NLGN1: variants seen among roughly 807,000 people sequenced by gnomAD.
NLGN1 encodes the protein neuroligin 1, also known as neuroligin-1.
NLGN1 carries 12 observed loss-of-function variants against 65.5 expected under a neutral mutation model. That is an observed-to-expected ratio of 0.18 (90% CI 0.12 to 0.30). NLGN1 has a LOEUF of 0.30. Among genes scored for constraint, NLGN1 ranks in the 10% least tolerant of loss-of-function variants. NLGN1 has a pLI of 1.00. For missense variants in NLGN1, 750 were observed against 1,007.1 expected, an observed-to-expected ratio of 0.74 and a Z score of 3.46; for synonymous variants, 350 against 359.5, an observed-to-expected ratio of 0.97 and a Z score of 0.30.
intron 4 of NLGN1, among the ~76,000 whole-genome samples, chr3:174,129,692 A>G (rs1719762061): frequency 6.6e-6 from 1 of 152,184 alleles, no homozygotes; most frequent in South Asian, 2.1e-4. Context: ...AGGGCTGGGA[A>G]TTAAGTCCTT....
At chr3:173,479,732 A>G (rs755799597) in intron 2 of NLGN1, among the ~76,000 whole-genome samples, 1 of 152,188 alleles carries the variant, frequency 6.6e-6, no homozygotes, top group Non-Finnish European at 1.5e-5. Flanking sequence ...TGAGATGGGA[A>G]AACAAGAAAA....
intron 3 of NLGN1, among the ~76,000 whole-genome samples, chr3:173,699,140 G>A (rs767146534): frequency 2.0e-5 from 3 of 152,132 alleles, no homozygotes; most frequent in Non-Finnish European, 2.9e-5. Context: ...ACAAGCGTGA[G>A]CCACCGCACC....
intron 3 of NLGN1, among the ~76,000 whole-genome samples, chr3:173,805,452 G>A (rs1421049698): frequency 1.3e-5 from 2 of 152,130 alleles, no homozygotes; most frequent in Non-Finnish European, 2.9e-5. Context: ...AAAATAAAGA[G>A]ATACCACTCA....
intron 2 of NLGN1, among the ~76,000 whole-genome samples, chr3:173,538,363 T>C (rs1737813492): frequency 6.6e-6 from 1 of 152,180 alleles, no homozygotes; most frequent in Non-Finnish European, 1.5e-5. Flanking sequence ...GAGCATGGGC[T>C]CACTGCTGCA....
intron 2 of NLGN1, among the ~76,000 whole-genome samples, chr3:173,578,705 A>T (rs1239502883): frequency 6.6e-6 from 1 of 152,202 alleles, no homozygotes; most frequent in East Asian, 1.9e-4. Flanking sequence ...ATACAATTTA[A>T]CTCATTCTAT....
chr3:173,840,887 T>C (rs1302699606), intron 4 of NLGN1, among the ~76,000 whole-genome samples: 2 of 152,128 alleles, frequency 1.3e-5, no homozygotes, highest in Non-Finnish European at 2.9e-5. Flanking sequence ...AAATTAAATA[T>C]AAGAAATACC....
intron 4 of NLGN1, among the ~76,000 whole-genome samples, chr3:173,814,487 G>T (rs1436549129): frequency 6.6e-6 from 1 of 152,150 alleles, no homozygotes. Context: ...AAAGTTGACT[G>T]CTCATTATTT....
chr3:174,222,317 T>C (rs1738822681), intron 4 of NLGN1, among the ~76,000 whole-genome samples: 1 of 152,200 alleles, frequency 6.6e-6, no homozygotes, highest in African/African-American at 2.4e-5. Flanking sequence ...TTTTCCTGTT[T>C]ATTTTGCAAA....
chr3:173,744,723 A>G (rs1372646935), intron 3 of NLGN1, among the ~76,000 whole-genome samples: 1 of 152,120 alleles, frequency 6.6e-6, no homozygotes, highest in Non-Finnish European at 1.5e-5. Context: ...AAATTTTGCT[A>G]TGTATCACAT....
chr3:174,031,976 CT>C (rs1384413768), intron 4 of NLGN1, among the ~76,000 whole-genome samples: 1 of 151,624 alleles, frequency 6.6e-6, no homozygotes, highest in Non-Finnish European at 1.5e-5. Context: ...TATATATTTT[CT>C]TAGCATCATA....
chr3:174,210,442 A>C (rs1308257735), intron 4 of NLGN1, among the ~76,000 whole-genome samples: 1 of 152,222 alleles, frequency 6.6e-6, no homozygotes, highest in African/African-American at 2.4e-5. Flanking sequence ...AGTGTATAGT[A>C]GGCCAGATTA....
intron 3 of NLGN1, among the ~76,000 whole-genome samples, chr3:173,659,654 T>C (rs1236440437): frequency 6.6e-6 from 1 of 151,920 alleles, no homozygotes; most frequent in East Asian, 1.9e-4. Context: ...AAAACCATTG[T>C]GATGCCTTGA....
chr3:173,637,706 CA>C (rs568163418), intron 3 of NLGN1, among the ~76,000 whole-genome samples: 2 of 152,116 alleles, frequency 1.3e-5, no homozygotes, highest in Non-Finnish European at 2.9e-5. Flanking sequence ...TACTTTACAA[CA>C]TAGAATTGAG....
chr3:173,692,136 C>G, intron 3 of NLGN1, among the ~76,000 whole-genome samples: 1 of 152,148 alleles, frequency 6.6e-6, no homozygotes, highest in Non-Finnish European at 1.5e-5. Context: ...TTATAATTCT[C>G]TTTTCATTTA....
At chr3:173,767,531 C>G (rs528095077) in intron 3 of NLGN1, among the ~76,000 whole-genome samples, 1 of 151,824 alleles carries the variant, frequency 6.6e-6, no homozygotes, top group Non-Finnish European at 1.5e-5. Context: ...ACTAAATGAT[C>G]GTAATAACAG....
At chr3:174,079,460 A>T (rs1741693524) in intron 4 of NLGN1, among the ~76,000 whole-genome samples, 1 of 152,222 alleles carries the variant, frequency 6.6e-6, no homozygotes, top group Admixed American at 6.5e-5. Context: ...AATTGGTTCA[A>T]CCATTGTGAA....
Position 174,279,671 on chromosome 3 carries a change from G to T in NLGN1, c.1649+21G>T. 2 of 1,397,306 alleles carry T rather than the reference G, an allele frequency of 1.4e-6. No homozygotes were observed. Among genetic ancestry groups the T allele is most frequent in the Non-Finnish European group, 2.0e-6 (2 of 1,018,178 alleles). The allele number at this position is 1,397,306 out of a possible 1,614,324, so 86.6% of individuals were successfully genotyped here. A position where few individuals can be genotyped will look rare whatever the true frequency, so the allele number is the denominator to read the frequency against. On this transcript the variant is annotated intron_variant, in intron 6 of 6. Transcript: ENST00000457714. The surrounding 1 kb of genome is among the most constrained non-coding windows in gnomAD (Gnocchi z 4.7). ...ACTGGGTATGTACCTAAGGAATGAA[G>T]TTTATTTTTAATAAAAATGTTATTT...
intron 3 of NLGN1, among the ~76,000 whole-genome samples, chr3:173,635,837 G>A (rs1012205697): frequency 7.9e-5 from 12 of 152,012 alleles, no homozygotes; most frequent in Non-Finnish European, 1.3e-4. Context: ...ATTTCTGAAA[G>A]GAGTGAGTTT....
chr3:174,106,415 C>G (rs1215892898), intron 4 of NLGN1, among the ~76,000 whole-genome samples: 1 of 152,022 alleles, frequency 6.6e-6, no homozygotes, highest in African/African-American at 2.4e-5. Context: ...GTTCCAACCA[C>G]CCATGGTCAG....
Sources: gnomAD v4.1 joint callset for allele counts (sites outside exome capture counted in the v4.1 genomes callset) on GRCh38, gnomAD v4.1.1 for gene constraint, Gnocchi (gnomAD v3.1) non-coding constraint, MANE v1.5 for transcripts, NCBI Gene and HGNC (gene_info 2026-07-23, HGNC 2026-07-21) for gene names.